Variants in SETBP1 observed in about 807,000 individuals in gnomAD.
SETBP1 encodes SET-binding protein.
A neutral mutation model predicts 101.0 loss-of-function variants in SETBP1; 9 were observed. That is an observed-to-expected ratio of 0.09 (90% CI 0.05 to 0.16). The LOEUF is 0.16. Ranked by LOEUF, SETBP1 falls within the 10% of genes least tolerant of loss-of-function variation. The probability of loss-of-function intolerance (pLI) is 1.00; values close to 1 mark genes in which losing one functional copy is unlikely to be tolerated. For synonymous variants in SETBP1, 818 were observed against 788.5 expected, an observed-to-expected ratio of 1.04 and a Z score of -0.63; for missense variants, 1,858 against 2,033.8, an observed-to-expected ratio of 0.91 and a Z score of 1.66.
rs144087649 is a variant in SETBP1, at chr18:44,953,052, G to A, written c.3712G>A (p.Asp1238Asn). Residue 1238 changes from aspartate to asparagine, a missense_variant, in exon 4 of 6, where the codon GAC (aspartate) becomes AAC (asparagine). By Grantham distance (23) the Asp-to-Asn change is conservative. Transcript: ENST00000649279. Reference protein sequence around the residue: ...VDTLSTLSLSDAQHWTQAKEK... With the variant: ...VDTLSTLSLSNAQHWTQAKEK... ...CACCCTGTCTACACTGTCACTTTCC[G>A]ACGCCCAGCATTGGACACAGGCCAA... 28 of 1,614,066 alleles carry A rather than the reference G, an allele frequency of 1.7e-5. No individual in the cohort carries two copies. The highest frequency in any genetic ancestry group is 1.6e-4 in the Middle Eastern group (1 of 6,084).
chr18:44,770,428 T>G lies in SETBP1; in HGVS notation c.486+68596T>G, dbSNP rs139791559. ...CATCTTCCAAGTTCACCTCCTTTATTTGGTTTATTTTTAACCTATTTTATC... is the reference window on the plus strand; with the variant it reads ...CATCTTCCAAGTTCACCTCCTTTATGTGGTTTATTTTTAACCTATTTTATC... On this transcript the variant is annotated intron_variant, in intron 2 of 5. Transcript: ENST00000649279. 5.3e-5 allele frequency among the ~76,000 whole-genome samples: 8 copies of G among 152,360 alleles called. No homozygotes were observed. The East Asian group carries it at 1.5e-3, about 29-fold the overall frequency.
At chr18:44,877,552 A>G (rs1217206173) in intron 3 of SETBP1, 1 of 172,264 alleles carries the variant, frequency 5.8e-6, no homozygotes, top group Non-Finnish European at 1.2e-5. Context: ...CACAATGTGT[A>G]TCTTTTCTCA....
chr18:44,995,529 T>TTTTG (rs894181469), intron 4 of SETBP1, among the ~76,000 whole-genome samples: 4 of 142,876 alleles, frequency 2.8e-5, no homozygotes, highest in African/African-American at 1.0e-4. Context: ...GTCCAGGCTT[T>TTTTG]TGTGTGTGTG....
intron 4 of SETBP1, among the ~76,000 whole-genome samples, chr18:45,020,963 G>A (rs1389093002): frequency 2.0e-5 from 3 of 152,134 alleles, no homozygotes; most frequent in Admixed American, 1.3e-4. Flanking sequence ...AATTCAATAT[G>A]TGTGGTTTGT....
chr18:45,016,731 GCACACACACACACACA>G (rs60965207), intron 4 of SETBP1, among the ~76,000 whole-genome samples: 1 of 122,750 alleles, frequency 8.1e-6, no homozygotes, highest in Non-Finnish European at 1.7e-5. Context: ...ATTGGTGCGC[GCACACACACACACACA>G]CACACACACA....
intron 3 of SETBP1, among the ~76,000 whole-genome samples, chr18:44,901,919 T>C (rs1304833126): frequency 6.6e-6 from 1 of 152,186 alleles, no homozygotes; most frequent in Non-Finnish European, 1.5e-5. Flanking sequence ...TCTTTTAAAT[T>C]CCCATAGAAA....
intron 5 of SETBP1, among the ~76,000 whole-genome samples, chr18:45,057,739 G>A (rs2073832671): frequency 6.6e-6 from 1 of 152,196 alleles, no homozygotes; most frequent in African/African-American, 2.4e-5. Context: ...GAATCTAGAA[G>A]TAAATTTGCC....
intron 4 of SETBP1, among the ~76,000 whole-genome samples, chr18:44,985,477 T>C (rs544094287): frequency 6.6e-6 from 1 of 152,358 alleles, no homozygotes; most frequent in South Asian, 2.1e-4. Context: ...TGGCTTGGGC[T>C]TAATACACTT....
intron 2 of SETBP1, among the ~76,000 whole-genome samples, chr18:44,710,106 G>A (rs1321993167): frequency 1.3e-5 from 2 of 152,110 alleles, no homozygotes; most frequent in Non-Finnish European, 2.9e-5. Flanking sequence ...TAGTTGACCC[G>A]CAGTTATATT....
Position 44,778,724 on chromosome 18 carries a change from A to T in SETBP1, c.486+76892A>T, listed in dbSNP as rs1049820953. The stretch of plus-strand genomic sequence containing the variant: ...CATCTGTTCCTGTCTCTTTCAGCCT[A>T]GCTCAGAGGAGGAGTGAGGAGCCTG... On this transcript the variant is annotated intron_variant, in intron 2 of 5. Coordinates refer to ENST00000649279, the MANE Select transcript of SETBP1 (RefSeq NM_015559.3). Among the ~76,000 whole-genome samples the T allele has an allele frequency of 9.2e-5, 14 of 152,198 alleles. 1 individual carries two copies. The highest frequency in any genetic ancestry group is 8.5e-4 in the Admixed American group (13 of 15,280).
Position 44,699,686 on chromosome 18 carries a change from G to A in SETBP1, c.-172-1489G>A, listed in dbSNP as rs184223453. ...CTGTATTCGTTGAATCTTCCCCGAA[G>A]TGGAAGCAGTTGTAAATGTGTCTTT... On this transcript the variant is annotated intron_variant, in intron 1 of 5. Coordinates refer to ENST00000649279, the MANE Select transcript of SETBP1 (RefSeq NM_015559.3). 2.7e-4 allele frequency among the ~76,000 whole-genome samples: 41 copies of A among 152,324 alleles called. 1 individual carries two copies. The South Asian group carries it at 5.0e-3, about 18-fold the overall frequency.
intron 4 of SETBP1, among the ~76,000 whole-genome samples, chr18:44,963,050 A>T (rs995986245): frequency 1.3e-5 from 2 of 152,216 alleles, no homozygotes; most frequent in African/African-American, 4.8e-5. Flanking sequence ...TCCACTCGAC[A>T]GCCAAGGAAA....
chr18:44,728,807 G>A (rs1351294528), intron 2 of SETBP1, among the ~76,000 whole-genome samples: 1 of 152,104 alleles, frequency 6.6e-6, no homozygotes, highest in Non-Finnish European at 1.5e-5. Flanking sequence ...CATATGCAGA[G>A]GCATGGGTGA....
chr18:45,063,476 C>CCCGCCACCGCCGCCGCCCCTG lies in SETBP1; in HGVS notation c.4584_4604dup (p.Leu1530_Pro1536dup), dbSNP rs1453656698. On this transcript the variant is annotated inframe_insertion, in exon 6 of 6. Transcript: ENST00000649279. Reference sequence around the variant, plus strand: ...TGGCCCGGGAGGCGCCGCCCCTGCCCCCGCCACCGCCGCCGCCCCTGCCGC... The same window carrying CCCGCCACCGCCGCCGCCCCTG: ...TGGCCCGGGAGGCGCCGCCCCTGCCCCCGCCACCGCCGCCGCCCCTGCCGCCACCGCCGCCGCCCCTGCCGC... The CCCGCCACCGCCGCCGCCCCTG allele has an allele frequency of 6.9e-7, 1 of 1,447,956 alleles. No individual in the cohort carries two copies. The highest frequency in any genetic ancestry group is 9.0e-7 in the Non-Finnish European group (1 of 1,105,082). 89.7% of individuals were successfully genotyped at this position (1,447,956 alleles called of 1,614,324 possible). A position where few individuals can be genotyped will look rare whatever the true frequency, so the allele number is the denominator to read the frequency against.
At chr18:45,021,329 T>C (rs556906659) in intron 4 of SETBP1, among the ~76,000 whole-genome samples, 3 of 152,332 alleles carry the variant, frequency 2.0e-5, no homozygotes, top group Admixed American at 6.5e-5. Context: ...GGTTTAAATC[T>C]ATAATGCATG....
intron 5 of SETBP1, among the ~76,000 whole-genome samples, chr18:45,053,800 G>A (rs1312448060): frequency 6.6e-6 from 1 of 151,956 alleles, no homozygotes; most frequent in Admixed American, 6.5e-5. Context: ...CAAAGAAAAT[G>A]TCTCACAATC....
At chr18:44,785,313 C>T (rs1252613274) in intron 2 of SETBP1, among the ~76,000 whole-genome samples, 1 of 152,054 alleles carries the variant, frequency 6.6e-6, no homozygotes, top group Non-Finnish European at 1.5e-5. Context: ...ATGGCTGTTC[C>T]CTCTAAGTTC....
Position 45,067,711 on chromosome 18 carries a change from C to G in SETBP1, c.*4013C>G, listed in dbSNP as rs1599518214. 6.6e-6 allele frequency: 1 copy of G among 152,230 alleles called. No individual in the cohort carries two copies. The highest frequency in any genetic ancestry group is 2.4e-5 in the African/African-American group (1 of 41,456). 9.4% of individuals were successfully genotyped at this position (152,230 alleles called of 1,614,324 possible). Reference sequence around the variant, plus strand: ...GTTTCTTTCCACAATACAAGGTCCTCTCTGCCTCTTGTTTCTTGGAGAGTT... The same window carrying G: ...GTTTCTTTCCACAATACAAGGTCCTGTCTGCCTCTTGTTTCTTGGAGAGTT... On this transcript the variant is annotated 3_prime_UTR_variant, in exon 6 of 6. Transcript: ENST00000649279.
Position 45,033,204 on chromosome 18 carries a change from T to A in SETBP1, c.4001-5281T>A, listed in dbSNP as rs1429044420. ...ATTATCAAGTTTTCAAAAGTAGTTT[T>A]TTCCTTGTGAAAAATATGTCATTTA... On this transcript the variant is annotated intron_variant, in intron 4 of 5. Transcript: ENST00000649279. Among the ~76,000 whole-genome samples, 6 of 152,316 alleles carry A rather than the reference T, an allele frequency of 3.9e-5. No individual in the cohort carries two copies. The East Asian group carries it at 1.2e-3, about 29-fold the overall frequency.
Sources: gnomAD v4.1 joint callset for allele counts (sites outside exome capture counted in the v4.1 genomes callset) on GRCh38, gnomAD v4.1.1 for gene constraint, MANE v1.5 for transcripts, NCBI Gene and HGNC (gene_info 2026-07-23, HGNC 2026-07-21) for gene names.